The following RET variants were observed in gnomAD, a reference collection of about 807,000 sequenced individuals.
The protein encoded by RET is ret proto-oncogene.
Under a neutral mutation model 118.3 loss-of-function variants are expected in RET, and 19 were observed. That is an observed-to-expected ratio of 0.16 (90% CI 0.11 to 0.24). The LOEUF (loss-of-function observed/expected upper bound fraction) is 0.24, where lower values mean the gene tolerates loss of function less well. Among genes scored for constraint, RET ranks in the 10% least tolerant of loss-of-function variants. The probability of loss-of-function intolerance (pLI) is 1.00; values close to 1 mark genes in which losing one functional copy is unlikely to be tolerated. For synonymous variants in RET, 597 were observed against 644.1 expected (o/e 0.93, Z 1.11); for missense variants, 1,219 against 1,502.1 (o/e 0.81, Z 3.12).
intron 15 of RET, among the ~76,000 whole-genome samples, chr10:43,120,488 C>G (rs1249590581): frequency 1.3e-5 from 2 of 152,226 alleles, no homozygotes; most frequent in Non-Finnish European, 2.9e-5. Context: ...CCTCATGCTG[C>G]GGAACTAACA....
intron 1 of RET, among the ~76,000 whole-genome samples, chr10:43,097,729 A>G (rs1489462850): frequency 6.6e-6 from 1 of 152,174 alleles, no homozygotes; most frequent in East Asian, 1.9e-4. Context: ...CTATTTTCCC[A>G]CTGTGGGACT....
chr10:43,105,122 G>A lies in RET; in HGVS notation c.796G>A (p.Asp266Asn), dbSNP rs1554817823. 1 of 1,612,570 alleles carries A rather than the reference G, an allele frequency of 6.2e-7. No individual in the cohort carries two copies. Among genetic ancestry groups the A allele is most frequent in the Non-Finnish European group, 8.5e-7 (1 of 1,179,846 alleles). ...VPFPVTVYDE[D>N]DSAPTFPAGV... Reference sequence around the variant, plus strand: ...CTTCCCGGTGACCGTGTACGACGAGGACGACTCGGCGCCCACCTTCCCCGC... The same window carrying A: ...CTTCCCGGTGACCGTGTACGACGAGAACGACTCGGCGCCCACCTTCCCCGC... Residue 266 changes from aspartate to asparagine, a missense_variant, in exon 4 of 20, where the codon GAC (aspartate) becomes AAC (asparagine). This residue lies in a region of RET where 850 missense variants were observed against 969.6 expected (regional missense o/e 0.88). Transcript: ENST00000355710.
rs138798271 is a variant in RET at position 43,123,647 on chromosome 10, C to T, written c.2802-24C>T. The T allele has an allele frequency of 5.2e-4, 834 of 1,614,024 alleles. 4 individuals carry two copies. In the African/African-American group the frequency reaches 7.8e-3, roughly 15 times the overall value. ...TCTGTGAGGGCCAGGTGGAGCCACT[C>T]ACTGGTCCTTTCACTCTCTGCAGAT... On this transcript the variant is annotated intron_variant, in intron 16 of 19. Coordinates refer to ENST00000355710, the MANE Select transcript of RET (RefSeq NM_020975.6).
chr10:43,117,055 T>A (rs1432326244), intron 12 of RET, among the ~76,000 whole-genome samples: 1 of 152,270 alleles, frequency 6.6e-6, no homozygotes, highest in Non-Finnish European at 1.5e-5. Flanking sequence ...CAGTGTCTCC[T>A]GGGGTCTTGG....
At position 43,120,067 on chromosome 10, in the gene RET, AT is replaced by A; in HGVS notation, c.2608-9del. The A allele has an allele frequency of 1.9e-6, 3 of 1,613,234 alleles. No individual in the cohort carries two copies. Among genetic ancestry groups the A allele is most frequent in the Non-Finnish European group, 2.5e-6 (3 of 1,179,804 alleles). On this transcript the variant is annotated splice_polypyrimidine_tract_variant and intron_variant, in intron 14 of 19. Transcript: ENST00000355710. ...TGGCCATGGCCTGACGACTCGTGCT[AT>A]TTTTCCTCACAGCTCGTTCATCGGG...
chr10:43,112,434 C>T (rs1156530771), intron 8 of RET, among the ~76,000 whole-genome samples: 1 of 152,208 alleles, frequency 6.6e-6, no homozygotes, highest in Admixed American at 6.5e-5. Flanking sequence ...GTCCCCAGGC[C>T]GGATTCACTC....
At chr10:43,108,999 C>T (rs755854073) in intron 5 of RET, 32 bp from the exon 6 acceptor site, 8 of 1,604,346 alleles carry the variant, frequency 5.0e-6, no homozygotes, top group Non-Finnish European at 6.8e-6. Context: ...GCCAGAGCAG[C>T]TTGGTGGTCA....
chr10:43,078,773 C>T (rs1280253502), intron 1 of RET, among the ~76,000 whole-genome samples: 1 of 152,214 alleles, frequency 6.6e-6, no homozygotes, highest in African/African-American at 2.4e-5. Flanking sequence ...GCTCTGGGGG[C>T]CGGCTTGTGG....
chr10:43,082,372 C>T (rs573928223), intron 1 of RET, among the ~76,000 whole-genome samples: 17 of 152,296 alleles, frequency 1.1e-4, no homozygotes, highest in Admixed American at 3.9e-4. Flanking sequence ...AGTGGCTCCA[C>T]AAAGTGTAGC....
At chr10:43,127,413 C>A in intron 19 of RET, 2 of 1,058,278 alleles carry the variant, frequency 1.9e-6, no homozygotes, top group Non-Finnish European at 2.3e-6. Context: ...TTTGAAAGAA[C>A]ATGGTCTGTG....
chr10:43,094,072 G>A (rs983397448), intron 1 of RET, among the ~76,000 whole-genome samples: 2 of 150,140 alleles, frequency 1.3e-5, no homozygotes, highest in Non-Finnish European at 3.0e-5. Flanking sequence ...AACGTGAGTG[G>A]GAAGTGGGAG....
intron 1 of RET, among the ~76,000 whole-genome samples, chr10:43,083,949 G>C (rs941464242): frequency 6.6e-6 from 1 of 152,160 alleles, no homozygotes; most frequent in Non-Finnish European, 1.5e-5. Context: ...TCCTGTCCCC[G>C]GGCAACCCCC....
chr10:43,105,373 A>G (rs1291908456), intron 4 of RET, among the ~76,000 whole-genome samples, 180 bp downstream of exon 4: 1 of 152,044 alleles, frequency 6.6e-6, no homozygotes, highest in Non-Finnish European at 1.5e-5. Context: ...GAGTCCTGCC[A>G]GCACCCAGCT....
At chr10:43,109,323 C>A in intron 6 of RET, 93 bp downstream of exon 6, 1 of 1,270,794 alleles carries the variant, frequency 7.9e-7, no homozygotes, top group Non-Finnish European at 1.1e-6. Context: ...CTTGGCCCAA[C>A]CAGCACAGAG....
intron 6 of RET, among the ~76,000 whole-genome samples, chr10:43,109,523 T>G (rs1277543370): frequency 6.6e-6 from 1 of 152,188 alleles, no homozygotes; most frequent in Non-Finnish European, 1.5e-5. Flanking sequence ...CTGCATATGG[T>G]GACTCGGAAG....
Position 43,130,265 on chromosome 10 carries a change from A to G in RET, c.*1996A>G, listed in dbSNP as rs1838417827. 2 of 373,102 alleles carry G rather than the reference A, an allele frequency of 5.4e-6. No homozygotes were observed. The highest frequency in any genetic ancestry group is 9.5e-6 in the Non-Finnish European group (2 of 210,942). 23.1% of individuals were successfully genotyped at this position (373,102 alleles called of 1,614,324 possible). A position where few individuals can be genotyped will look rare whatever the true frequency, so the allele number is the denominator to read the frequency against. ...AAAATTTGTAAAATCTATTTATGAAAGGTCATTAAACCAGATCATGTTCCT... is the reference window on the plus strand; with the variant it reads ...AAAATTTGTAAAATCTATTTATGAAGGGTCATTAAACCAGATCATGTTCCT... On this transcript the variant is annotated 3_prime_UTR_variant, in exon 20 of 20. Transcript: ENST00000355710.
At position 43,116,132 on chromosome 10, in the gene RET, G is replaced by A. The variant is rs141138034; in HGVS notation, c.2137-452G>A. Among the ~76,000 whole-genome samples the A allele has an allele frequency of 2.4e-3, 362 of 152,324 alleles. 1 individual carries two copies. The highest frequency in any genetic ancestry group is 8.0e-3 in the African/African-American group (332 of 41,576). ...GGTAGTGCCAGCAGGCAGGGTGAGC[G>A]GGTGCGTGAGGGCCAGTGGCAGCCC... On this transcript the variant is annotated intron_variant, in intron 11 of 19. Transcript: ENST00000355710.
Position 43,100,728 on chromosome 10 carries a change from G to A in RET, c.337+6G>A, listed in dbSNP as rs368388151. 1 of 1,589,824 alleles carries A rather than the reference G, an allele frequency of 6.3e-7. No individual in the cohort carries two copies. Among genetic ancestry groups the A allele is most frequent in the African/African-American group, 1.3e-5 (1 of 74,700 alleles). On this transcript the variant is annotated splice_donor_region_variant and intron_variant, in intron 2 of 19. Coordinates refer to ENST00000355710, the MANE Select transcript of RET (RefSeq NM_020975.6). ...GGAGAAGCTCAGTGTCCGCAGTAAG[G>A]GAGCCGCCCCAACACCCACCCCGTG...
intron 15 of RET, 133 bp from the exon 16 acceptor site, chr10:43,121,813 T>G: frequency 1.3e-6 from 1 of 751,688 alleles, no homozygotes; most frequent in East Asian, 2.5e-5. Context: ...GTGTGGCCAG[T>G]TCTGTGCCCA....
Sources: allele counts gnomAD v4.1 joint callset (sites outside exome capture counted in the v4.1 genomes callset), GRCh38; gene constraint gnomAD v4.1.1; regional missense constraint gnomAD v4.1.1; transcripts MANE v1.5; gene names NCBI Gene and HGNC (gene_info 2026-07-23, HGNC 2026-07-21).